The following LDLRAD4 variants were observed in gnomAD, a reference collection of about 807,000 sequenced individuals.
LDLRAD4 encodes low-density lipoprotein receptor class A domain-containing protein 4.
A neutral mutation model predicts 17.0 loss-of-function variants in LDLRAD4; 5 were observed. That is an observed-to-expected ratio of 0.29 (90% CI 0.15 to 0.62). The LOEUF is 0.62. Ranked by LOEUF, LDLRAD4 falls within the 20% of genes least tolerant of loss-of-function variation. LDLRAD4 has a pLI of 0.84. For missense variants in LDLRAD4, 340 were observed against 424.7 expected (o/e 0.80, Z 1.75); for synonymous variants, 168 against 171.8 (o/e 0.98, Z 0.17).
At chr18:13,483,487 T>C (rs2146981247) in intron 3 of LDLRAD4, among the ~76,000 whole-genome samples, 1 of 152,320 alleles carries the variant, frequency 6.6e-6, no homozygotes, top group East Asian at 1.9e-4. Flanking sequence ...GCCTGTCTGC[T>C]GTGCTAAGAA....
In LDLRAD4 at chr18:13,622,918, C is replaced by G. The variant is rs574188019; in HGVS notation, c.336+1647C>G. On this transcript the variant is annotated intron_variant, in intron 4 of 5. Transcript: ENST00000359446. The surrounding 1 kb of genome is among the most constrained non-coding windows in gnomAD (Gnocchi z 5.3). ...CGCTTGGGGTCTCTGTGCGCAGGCA[C>G]ACAGGGAGTTTTCTGTCCCCTGCCT... is the stretch of plus-strand genomic sequence containing the variant. Among the ~76,000 whole-genome samples, 1 of 152,318 alleles carries G rather than the reference C, an allele frequency of 6.6e-6. No homozygotes were observed. The highest frequency in any genetic ancestry group is 2.4e-5 in the African/African-American group (1 of 41,574).
intron 1 of LDLRAD4, among the ~76,000 whole-genome samples, chr18:13,249,461 A>G (rs1048349941): frequency 6.6e-6 from 1 of 152,088 alleles, no homozygotes; most frequent in Non-Finnish European, 1.5e-5. Flanking sequence ...ATGGTACCTC[A>G]TTGTGGTTTT....
At chr18:13,635,092 A>G (rs2041968160) in intron 4 of LDLRAD4, among the ~76,000 whole-genome samples, 1 of 152,218 alleles carries the variant, frequency 6.6e-6, no homozygotes, top group African/African-American at 2.4e-5. Flanking sequence ...ACAAAAATAT[A>G]AACATAAGAG....
intron 1 of LDLRAD4, among the ~76,000 whole-genome samples, chr18:13,280,645 T>G (rs1057105305): frequency 1.3e-5 from 2 of 152,186 alleles, no homozygotes; most frequent in African/African-American, 4.8e-5. Context: ...TAATTCAGGC[T>G]CCCTGCACCA....
In LDLRAD4 at chr18:13,359,800, G is replaced by C. The variant is rs183453584; in HGVS notation, c.-382-27541G>C. Among the ~76,000 whole-genome samples, 129 of 152,334 alleles carry C rather than the reference G, an allele frequency of 8.5e-4. 2 individuals carry two copies. Among genetic ancestry groups the C allele is most frequent in the Admixed American group, 8.3e-3 (127 of 15,312 alleles). On this transcript the variant is annotated intron_variant, in intron 1 of 5. Transcript: ENST00000359446. ...GAATCCAGCTTTCTGGTGACATCTA[G>C]ATTGAGCACTTCTTGATACAGGCCA...
chr18:13,420,361 GC>G (rs2089326203), intron 2 of LDLRAD4: 1 of 152,218 alleles, frequency 6.6e-6, no homozygotes. Context: ...CTTAAGATAA[GC>G]AACAAGGGTG....
chr18:13,492,563 A>C (rs1300954204), intron 3 of LDLRAD4, among the ~76,000 whole-genome samples: 1 of 152,204 alleles, frequency 6.6e-6, no homozygotes, highest in Non-Finnish European at 1.5e-5. Flanking sequence ...CTCATCAAAA[A>C]GGCCACAGGA....
intron 3 of LDLRAD4, among the ~76,000 whole-genome samples, chr18:13,469,405 A>T (rs1010508223): frequency 3.3e-5 from 5 of 152,250 alleles, no homozygotes; most frequent in Admixed American, 3.3e-4. Context: ...AATAATTGAA[A>T]ACAAGGACCG....
chr18:13,372,619 AG>A (rs1275937885), intron 1 of LDLRAD4, among the ~76,000 whole-genome samples: 2 of 152,186 alleles, frequency 1.3e-5, no homozygotes, highest in Non-Finnish European at 2.9e-5. Context: ...AGGGTGACTG[AG>A]AAACTGAAAT....
chr18:13,319,264 C>A (rs1253110395), intron 1 of LDLRAD4, among the ~76,000 whole-genome samples: 1 of 152,208 alleles, frequency 6.6e-6, no homozygotes, highest in African/African-American at 2.4e-5. Context: ...GAAGTGGCCA[C>A]GGCGGGTATG....
chr18:13,576,437 A>AAAAG (rs200673148), intron 3 of LDLRAD4, among the ~76,000 whole-genome samples: 2,551 of 83,464 alleles, frequency 0.031, 99 homozygotes, highest in African/African-American at 0.072. Context: ...AAAAAAAAAA[A>AAAAG]AAAGAAAGAA....
exon 6 of LDLRAD4, chr18:13,650,303 C>G (rs969808141): frequency 1.2e-5 from 5 of 404,314 alleles, no homozygotes. Flanking sequence ...AAGCTGCTGT[C>G]TGAGTGTAGG....
chr18:13,320,677 G>A (rs866698721), intron 1 of LDLRAD4, among the ~76,000 whole-genome samples: 9 of 152,340 alleles, frequency 5.9e-5, no homozygotes, highest in African/African-American at 2.2e-4. Context: ...GTCCCCAACA[G>A]TGAGGCTCAG....
chr18:13,620,853 G>A (rs563863534), intron 3 of LDLRAD4: 1 of 525,470 alleles, frequency 1.9e-6, no homozygotes, highest in East Asian at 3.0e-5. Context: ...AATAGCTTCA[G>A]TTTGTGGAGA....
exon 6 of LDLRAD4, chr18:13,649,809 A>G (rs1297160293): frequency 5.2e-6 from 2 of 386,546 alleles, no homozygotes; most frequent in Non-Finnish European, 9.1e-6. Context: ...TTAAGTGATT[A>G]AAGCCAGTGC....
intron 3 of LDLRAD4, chr18:13,611,350 T>C: frequency 2.5e-6 from 1 of 406,906 alleles, no homozygotes; most frequent in Non-Finnish European, 3.3e-6. Context: ...CGGCAGTGCT[T>C]GTGGTGGGGG....
At chr18:13,535,491 C>CT (rs2094190289) in intron 3 of LDLRAD4, among the ~76,000 whole-genome samples, 1 of 152,010 alleles carries the variant, frequency 6.6e-6, no homozygotes, top group African/African-American at 2.4e-5. Context: ...TGTTTTAAAT[C>CT]TTTTGCACAT....
intron 1 of LDLRAD4, among the ~76,000 whole-genome samples, chr18:13,374,702 C>G (rs1040897070): frequency 6.6e-6 from 1 of 152,202 alleles, no homozygotes; most frequent in African/African-American, 2.4e-5. Flanking sequence ...TGCCACCCAG[C>G]CAGGAGTGGG....
At chr18:13,496,010 C>G (rs924658127) in intron 3 of LDLRAD4, among the ~76,000 whole-genome samples, 1 of 152,108 alleles carries the variant, frequency 6.6e-6, no homozygotes, top group South Asian at 2.1e-4. Context: ...GTTCTTCTGG[C>G]GCTCCCACCA....
Sources: gnomAD v4.1 joint callset for allele counts (sites outside exome capture counted in the v4.1 genomes callset) on GRCh38, gnomAD v4.1.1 for gene constraint, Gnocchi (gnomAD v3.1) non-coding constraint, MANE v1.5 for transcripts, NCBI Gene and HGNC (gene_info 2026-07-23, HGNC 2026-07-21) for gene names.